TRAK1: variants seen among roughly 807,000 people sequenced by gnomAD.
The protein encoded by TRAK1 is trafficking kinesin-binding protein 1.
Under a neutral mutation model 92.1 loss-of-function variants are expected in TRAK1, and 33 were observed. The ratio of observed to expected loss-of-function variants is 0.36; its 90% confidence interval spans 0.27 to 0.48. The LOEUF is 0.48. TRAK1 is among the 20% of genes least tolerant of loss of function. The probability of loss-of-function intolerance (pLI) is 0.99; values close to 1 mark genes in which losing one functional copy is unlikely to be tolerated. For synonymous variants in TRAK1, 521 were observed against 517.3 expected (o/e 1.01, Z -0.10); for missense variants, 1,123 against 1,257.9 (o/e 0.89, Z 1.62).
At chr3:42,109,979 A>T (rs943053317) in intron 1 of TRAK1, among the ~76,000 whole-genome samples, 4 of 151,118 alleles carry the variant, frequency 2.6e-5, no homozygotes, top group East Asian at 3.9e-4. Context: ...GGGGGATGGC[A>T]TTAGGAGATA....
rs375315730 is a variant in TRAK1 at position 42,110,094 on chromosome 3, GTATATATATATATATA to G, written c.92-15303_92-15288del. 3.5e-4 allele frequency among the ~76,000 whole-genome samples: 29 copies of G among 83,232 alleles called. 1 individual carries two copies. The highest frequency in any genetic ancestry group is 6.6e-3 in the Middle Eastern group (1 of 152). The allele number at this position is 83,232 out of a possible 152,430, so 54.6% of individuals were successfully genotyped here. On this transcript the variant is annotated intron_variant, in intron 1 of 15. Coordinates refer to ENST00000327628, the MANE Select transcript of TRAK1 (RefSeq NM_001042646.3). Reference sequence around the variant, plus strand: ...GTGCACATGTACCCTAGAACTTAAAGTATATATATATATATATATATATATATATATATATATAAAC... The same window carrying G: ...GTGCACATGTACCCTAGAACTTAAAGTATATATATATATATATATATAAAC...
chr3:42,026,817 G>T (rs932072752), intron 1 of TRAK1, among the ~76,000 whole-genome samples: 1 of 152,060 alleles, frequency 6.6e-6, no homozygotes, highest in African/African-American at 2.4e-5. Flanking sequence ...GAGCCACTGC[G>T]CCTGGCCAGT....
chr3:42,075,319 T>C, intron 1 of TRAK1, among the ~76,000 whole-genome samples: 1 of 127,100 alleles, frequency 7.9e-6, no homozygotes, highest in African/African-American at 3.3e-5. Context: ...TCAGCTTGGG[T>C]GACAGAGTGA....
chr3:42,139,720 A>G (rs181009510), intron 2 of TRAK1, among the ~76,000 whole-genome samples: 181 of 152,240 alleles, frequency 1.2e-3, no homozygotes, highest in Non-Finnish European at 2.3e-3. Context: ...CTGGCAAGCA[A>G]TTCTGTACAG....
At chr3:42,174,825 G>A (rs1455851345) in intron 2 of TRAK1, among the ~76,000 whole-genome samples, 1 of 151,076 alleles carries the variant, frequency 6.6e-6, no homozygotes, top group East Asian at 1.9e-4. Context: ...CCTTGGCCTC[G>A]CAAAGTGCTG....
intron 14 of TRAK1, chr3:42,217,328 G>T: frequency 1.0e-6 from 1 of 985,254 alleles, no homozygotes; most frequent in Non-Finnish European, 1.2e-6. Flanking sequence ...ATTTTGGAAG[G>T]GCCAAATCTC....
intron 1 of TRAK1, among the ~76,000 whole-genome samples, chr3:42,035,447 G>A (rs769210619): frequency 9.2e-5 from 14 of 152,076 alleles, no homozygotes; most frequent in Non-Finnish European, 4.4e-5. Context: ...CTGTACAAAC[G>A]CTTCCCGGCT....
intron 2 of TRAK1, chr3:42,160,435 C>T (rs1701130718): frequency 1.2e-6 from 2 of 1,614,194 alleles, no homozygotes. Flanking sequence ...AGGAAGCCAA[C>T]CCACAGGCAG....
chr3:42,199,205 C>A lies in TRAK1; in HGVS notation c.1142C>A (p.Thr381Lys), dbSNP rs776871313. 6.2e-7 allele frequency: 1 copy of A among 1,613,644 alleles called. No individual in the cohort carries two copies. The highest frequency in any genetic ancestry group is 8.5e-7 in the Non-Finnish European group (1 of 1,180,032). Residue 381 changes from threonine (T) to lysine (K), a missense_variant, in exon 11 of 16, where the codon ACG becomes AAG. By Grantham distance (78) the Thr-to-Lys change is moderately conservative (BLOSUM62 -1). Transcript: ENST00000327628. ...MDSLAAEIEG[T>K]MRKELQLEEA... is the part of the protein sequence containing the mutation. ...TCCTTGGCAGCAGAGATTGAGGGAA[C>A]GATGCGCAAGGAGCTGCAGTTGGAA...
chr3:42,192,499 A>AT (rs1705959494), intron 7 of TRAK1, among the ~76,000 whole-genome samples: 1 of 152,178 alleles, frequency 6.6e-6, no homozygotes, highest in South Asian at 2.1e-4. Context: ...TCGTCAAAGT[A>AT]CTATTTTGCA....
upstream of TRAK1, among the ~76,000 whole-genome samples, chr3:42,085,722 T>G (rs777859461): frequency 3.3e-5 from 5 of 152,236 alleles, no homozygotes; most frequent in Non-Finnish European, 7.3e-5. Flanking sequence ...GTTCTCACAC[T>G]TTTTTTGTGG....
At chr3:42,134,399 T>C (rs529743841) in intron 2 of TRAK1, among the ~76,000 whole-genome samples, 36 of 151,128 alleles carry the variant, frequency 2.4e-4, no homozygotes, top group African/African-American at 7.5e-4. Flanking sequence ...TGTCTCAGCC[T>C]CCCGAGTAGC....
At chr3:42,041,051 G>GTT (rs139290431) in intron 1 of TRAK1, among the ~76,000 whole-genome samples, 8 of 141,220 alleles carry the variant, frequency 5.7e-5, no homozygotes, top group East Asian at 4.3e-4. Flanking sequence ...CTTTGTTGTT[G>GTT]TTTTTTTTTT....
intron 13 of TRAK1, 36 bp from the exon 14 acceptor site, chr3:42,209,731 C>T (rs777602513): frequency 1.1e-5 from 18 of 1,593,386 alleles, no homozygotes; most frequent in Non-Finnish European, 1.5e-5. Context: ...CTCTCTTCTC[C>T]TTGTCCCCCT....
At chr3:42,136,489 C>T (rs114671334) in intron 2 of TRAK1, among the ~76,000 whole-genome samples, 2,400 of 151,924 alleles carry the variant, frequency 0.016, 74 homozygotes, top group African/African-American at 0.055. Context: ...ATTACCCAGG[C>T]GGTGCATACC....
chr3:42,111,512 C>T (rs924929319), intron 1 of TRAK1, among the ~76,000 whole-genome samples: 3 of 152,110 alleles, frequency 2.0e-5, no homozygotes, highest in South Asian at 4.2e-4. Flanking sequence ...TACCCTGTCT[C>T]AGCCTCCCGA....
intron 1 of TRAK1, among the ~76,000 whole-genome samples, chr3:42,062,501 A>G (rs943710699): frequency 3.3e-5 from 5 of 152,236 alleles, no homozygotes; most frequent in African/African-American, 9.6e-5. Flanking sequence ...TAAATACAGC[A>G]TGACTATACT....
chr3:42,192,116 G>A (rs1324083869), intron 7 of TRAK1, among the ~76,000 whole-genome samples: 1 of 151,924 alleles, frequency 6.6e-6, no homozygotes, highest in Non-Finnish European at 1.5e-5. Flanking sequence ...TGGCCAGGCT[G>A]GTCTTGAACT....
At chr3:42,058,176 C>G (rs770271121) in intron 1 of TRAK1, among the ~76,000 whole-genome samples, 2 of 152,150 alleles carry the variant, frequency 1.3e-5, no homozygotes, top group African/African-American at 2.4e-5. Flanking sequence ...ACCTCCTCAT[C>G]TTTAAAATAT....
Sources: gnomAD v4.1 joint callset for allele counts (sites outside exome capture counted in the v4.1 genomes callset) on GRCh38, gnomAD v4.1.1 for gene constraint, MANE v1.5 for transcripts, NCBI Gene and HGNC (gene_info 2026-07-23, HGNC 2026-07-21) for gene names.